The following KCNH7 variants were observed in gnomAD, a reference collection of about 807,000 sequenced individuals.
The protein encoded by KCNH7 is voltage-gated inwardly rectifying potassium channel KCNH7.
A neutral mutation model predicts 120.8 loss-of-function variants in KCNH7; 49 were observed. The ratio of observed to expected loss-of-function variants is 0.41; its 90% CI spans 0.32 to 0.51. KCNH7 has a LOEUF of 0.51. KCNH7 is among the 20% of genes least tolerant of loss of function. The pLI is 0.38. For missense variants in KCNH7, 1,097 were observed against 1,446.6 expected (o/e 0.76, Z 3.92); for synonymous variants, 547 against 516.1 (o/e 1.06, Z -0.81).
chr2:162,603,436 A>G (rs1694628256), intron 2 of KCNH7, among the ~76,000 whole-genome samples: 1 of 152,126 alleles, frequency 6.6e-6, no homozygotes, highest in South Asian at 2.1e-4. Flanking sequence ...CTTTTATTAT[A>G]TGGCAAAGCA....
intron 2 of KCNH7, among the ~76,000 whole-genome samples, chr2:162,644,163 A>G (rs1684269208): frequency 1.3e-5 from 2 of 152,164 alleles, no homozygotes; most frequent in South Asian, 4.1e-4. Flanking sequence ...GACTTGAGGA[A>G]AAGACTGCGC....
intron 2 of KCNH7, among the ~76,000 whole-genome samples, chr2:162,653,105 G>T (rs11884055): frequency 0.24 from 37,217 of 151,994 alleles, 7,116 homozygotes; most frequent in African/African-American, 0.52. Context: ...CGATTTAGAA[G>T]GTATGATGTT....
intron 2 of KCNH7, among the ~76,000 whole-genome samples, chr2:162,822,660 A>T (rs564853952): frequency 6.6e-6 from 1 of 152,248 alleles, no homozygotes; most frequent in East Asian, 1.9e-4. Context: ...AATTCATTCA[A>T]TTATTTAAAG....
chr2:162,683,112 T>C (rs556764719), intron 2 of KCNH7, among the ~76,000 whole-genome samples: 1 of 151,778 alleles, frequency 6.6e-6, no homozygotes, highest in South Asian at 2.1e-4. Flanking sequence ...AGAAATGCTT[T>C]TACTGCTAAA....
intron 8 of KCNH7, among the ~76,000 whole-genome samples, chr2:162,428,650 T>C (rs1398696106): frequency 2.0e-5 from 3 of 151,952 alleles, no homozygotes; most frequent in Non-Finnish European, 4.4e-5. Flanking sequence ...ATTATGAATT[T>C]GTCTTGTGAA....
chr2:162,787,437 C>A (rs1202781359), intron 2 of KCNH7, among the ~76,000 whole-genome samples: 1 of 152,156 alleles, frequency 6.6e-6, no homozygotes, highest in East Asian at 1.9e-4. Context: ...CCAGGACCAA[C>A]CCGGTGCCAG....
intron 2 of KCNH7, among the ~76,000 whole-genome samples, chr2:162,744,900 C>CT (rs1688264498): frequency 1.3e-5 from 2 of 152,172 alleles, no homozygotes; most frequent in Admixed American, 6.5e-5. Context: ...CAACTCTAAC[C>CT]TGTGATTCCA....
At position 162,556,900 on chromosome 2, in the gene KCNH7, C is replaced by T. The variant is rs190356927; in HGVS notation, c.308-19820G>A. 2.0e-3 allele frequency among the ~76,000 whole-genome samples: 308 copies of T among 152,296 alleles called. 1 individual carries two copies. Among genetic ancestry groups the T allele is most frequent in the Middle Eastern group, 6.8e-3 (2 of 294 alleles). ...TTTAGTTTAAAAATTATGCTGGTCT[C>T]AGTCAAATTTTATTAATGGATTCAC... On this transcript the variant is annotated intron_variant, in intron 2 of 15. Transcript: ENST00000332142.
intron 3 of KCNH7, among the ~76,000 whole-genome samples, chr2:162,527,461 T>A (rs116243163): frequency 0.012 from 1,774 of 152,080 alleles, 31 homozygotes; most frequent in African/African-American, 0.04. Context: ...CTATGGAAAA[T>A]TTCTTTGTTC....
chr2:162,592,953 G>T (rs944337794), intron 2 of KCNH7, among the ~76,000 whole-genome samples: 3 of 152,010 alleles, frequency 2.0e-5, no homozygotes, highest in Non-Finnish European at 4.4e-5. Flanking sequence ...TCTAGGTTCA[G>T]ATAGATACAT....
chr2:162,752,974 A>AAAAGAAAAGAAAAGAAAAGAAAAG (rs1688641276), intron 2 of KCNH7, among the ~76,000 whole-genome samples: 1 of 119,238 alleles, frequency 8.4e-6, no homozygotes, highest in African/African-American at 4.8e-5. Context: ...AAAAGAAAAG[A>AAAAGAAAAGAAAAGAAAAGAAAAG]AAAGAAAAGA....
chr2:162,547,790 G>C (rs1692531861), intron 2 of KCNH7, among the ~76,000 whole-genome samples: 1 of 151,644 alleles, frequency 6.6e-6, no homozygotes, highest in African/African-American at 2.4e-5. Flanking sequence ...TTGTCCCAGG[G>C]TTCAACTTCT....
At chr2:162,465,288 A>G (rs1478142880) in intron 6 of KCNH7, among the ~76,000 whole-genome samples, 2 of 152,138 alleles carry the variant, frequency 1.3e-5, no homozygotes, top group Non-Finnish European at 2.9e-5. Context: ...TGAGATTCCA[A>G]TTGTTACTGC....
chr2:162,390,003 A>AC (rs1686695774), intron 12 of KCNH7, among the ~76,000 whole-genome samples: 1 of 152,006 alleles, frequency 6.6e-6, no homozygotes, highest in Non-Finnish European at 1.5e-5. Flanking sequence ...CTTAGCACAC[A>AC]GTGGGTACTC....
chr2:162,610,201 A>G (rs982542695), intron 2 of KCNH7, among the ~76,000 whole-genome samples: 3 of 152,232 alleles, frequency 2.0e-5, no homozygotes, highest in African/African-American at 4.8e-5. Flanking sequence ...TTGAAAAAGT[A>G]CATTATAGCA....
At chr2:162,381,260 G>C (rs1163786524) in intron 13 of KCNH7, among the ~76,000 whole-genome samples, 1 of 152,050 alleles carries the variant, frequency 6.6e-6, no homozygotes, top group African/African-American at 2.4e-5. Flanking sequence ...TAAACACTGA[G>C]AAGAGTTATT....
intron 15 of KCNH7, among the ~76,000 whole-genome samples, chr2:162,372,720 G>T (rs1478826864): frequency 6.6e-6 from 1 of 151,998 alleles, no homozygotes; most frequent in Admixed American, 6.6e-5. Flanking sequence ...TTATGAGATT[G>T]TTCTACAAAT....
intron 2 of KCNH7, among the ~76,000 whole-genome samples, chr2:162,717,988 T>C (rs1236459037): frequency 6.6e-6 from 1 of 151,980 alleles, no homozygotes; most frequent in African/African-American, 2.4e-5. Context: ...ACTTCTCACA[T>C]CATGGTTCAT....
At chr2:162,436,533 T>C (rs556343920) in intron 7 of KCNH7, among the ~76,000 whole-genome samples, 352 of 152,230 alleles carry the variant, frequency 2.3e-3, no homozygotes, top group Admixed American at 4.5e-3. Flanking sequence ...ATCTGATAAG[T>C]ACAAATTACA....
Sources: gnomAD v4.1 joint callset for allele counts (sites outside exome capture counted in the v4.1 genomes callset) on GRCh38, gnomAD v4.1.1 for gene constraint, MANE v1.5 for transcripts, NCBI Gene and HGNC (gene_info 2026-07-23, HGNC 2026-07-21) for gene names.